TAX1BP1: variants seen among roughly 807,000 people sequenced by gnomAD.
TAX1BP1 encodes the protein tax1-binding protein 1.
A neutral mutation model predicts 97.7 loss-of-function variants in TAX1BP1; 62 were observed. That is an observed-to-expected ratio of 0.63 (90% CI 0.52 to 0.78). The LOEUF (loss-of-function observed/expected upper bound fraction) is 0.78. Ranked by LOEUF, TAX1BP1 falls within the 30% of genes least tolerant of loss-of-function variation. TAX1BP1 has a pLI of 0.00. For synonymous variants in TAX1BP1, 340 were observed against 304.2 expected, an observed-to-expected ratio of 1.12 and a Z score of -1.23; for missense variants, 867 against 916.1, an observed-to-expected ratio of 0.95 and a Z score of 0.69.
rs1554326085 is a variant in TAX1BP1, at chr7:27,828,863, G to GC, written c.*34_*35insC. 1 of 709,476 alleles carries GC rather than the reference G, an allele frequency of 1.4e-6. No individual in the cohort carries two copies. The highest frequency in any genetic ancestry group is 2.1e-6 in the Non-Finnish European group (1 of 481,196). 43.9% of individuals were successfully genotyped at this position (709,476 alleles called of 1,614,324 possible). A position where few individuals can be genotyped will look rare whatever the true frequency, so the allele number is the denominator to read the frequency against. On this transcript the variant is annotated 3_prime_UTR_variant, in exon 17 of 17. Transcript: ENST00000396319. ...TATTATGAGTTAATATAGTTTAGCA[G>GC]TAAAAAAAAAAAAAAAAACCACACC...
chr7:27,739,609 T>A (rs1288505006), upstream of TAX1BP1: 1 of 151,958 alleles, frequency 6.6e-6, no homozygotes. Context: ...GCAAATAGAA[T>A]CAGAGGGCAT....
Position 27,792,220 on chromosome 7 carries a change from A to G in TAX1BP1, c.1253A>G (p.Lys418Arg), listed in dbSNP as rs942312109. The change falls in exon 9 of 17, where the codon AAA becomes AGA. Residue 418 changes from lysine to arginine, a missense_variant. By Grantham distance (26) the Lys-to-Arg change is conservative. Coordinates refer to ENST00000396319, the MANE Select transcript of TAX1BP1 (RefSeq NM_006024.7). ...AVAELKLNAM[K>R]KDQDKTDTLE... is the part of the protein sequence containing the mutation. ...GCAGAACTTAAACTAAATGCTATGA[A>G]AAAAGATCAGGTAAAACAAGTTAAT... The G allele has an allele frequency of 6.2e-6, 10 of 1,608,192 alleles. No individual in the cohort carries two copies. The highest frequency in any genetic ancestry group is 8.5e-6 in the Non-Finnish European group (10 of 1,176,834).
At chr7:27,785,536 T>A in intron 7 of TAX1BP1, 47 bp downstream of exon 7, 1 of 1,518,070 alleles carries the variant, frequency 6.6e-7, no homozygotes, top group Non-Finnish European at 9.0e-7. Context: ...TCAAAAGAAA[T>A]GACCCCAGAA....
chr7:27,797,287 G>A (rs1444482118), intron 12 of TAX1BP1, among the ~76,000 whole-genome samples: 6 of 152,024 alleles, frequency 3.9e-5, no homozygotes, highest in Non-Finnish European at 5.9e-5. Flanking sequence ...ATGAGCCACC[G>A]CGCCCGGCCT....
intron 5 of TAX1BP1, among the ~76,000 whole-genome samples, chr7:27,775,994 CGTCT>C (rs545447598): frequency 6.7e-6 from 1 of 149,184 alleles, no homozygotes; most frequent in Admixed American, 6.7e-5. Context: ...TCTGTCTGTT[CGTCT>C]GTCTGTCTTT....
intron 5 of TAX1BP1, among the ~76,000 whole-genome samples, chr7:27,781,571 C>T (rs1270951188): frequency 6.6e-6 from 1 of 151,952 alleles, no homozygotes; most frequent in African/African-American, 2.4e-5. Context: ...GGGCATTTAC[C>T]ACAAATGGAG....
At chr7:27,806,941 T>A (rs1001417876) in intron 13 of TAX1BP1, among the ~76,000 whole-genome samples, 2 of 152,192 alleles carry the variant, frequency 1.3e-5, no homozygotes, top group Non-Finnish European at 1.5e-5. Context: ...GAATTTTAAA[T>A]AATTTTCTTC....
intron 13 of TAX1BP1, among the ~76,000 whole-genome samples, chr7:27,805,091 T>A (rs1268502537): frequency 6.6e-6 from 1 of 152,238 alleles, no homozygotes; most frequent in African/African-American, 2.4e-5. Flanking sequence ...TGTTAGAGAT[T>A]GCCAGATGCC....
chr7:27,814,064 G>A (rs928419486), intron 13 of TAX1BP1, among the ~76,000 whole-genome samples: 8 of 144,130 alleles, frequency 5.6e-5, no homozygotes, highest in African/African-American at 2.1e-4. Context: ...CCAAAGTGCT[G>A]GGATTACAGG....
chr7:27,791,406 A>C (rs1048837890), intron 8 of TAX1BP1, among the ~76,000 whole-genome samples: 9 of 152,298 alleles, frequency 5.9e-5, no homozygotes, highest in Non-Finnish European at 1.2e-4. Flanking sequence ...TAGCTTTTTA[A>C]AGATACTTTT....
intron 3 of TAX1BP1, among the ~76,000 whole-genome samples, chr7:27,760,232 A>C (rs1788372763): frequency 6.6e-6 from 1 of 152,168 alleles, no homozygotes; most frequent in African/African-American, 2.4e-5. Flanking sequence ...TTAAAAATTA[A>C]ATTTGTTTTA....
chr7:27,763,632 A>G (rs1788510956), intron 3 of TAX1BP1, among the ~76,000 whole-genome samples: 2 of 152,092 alleles, frequency 1.3e-5, no homozygotes, highest in South Asian at 4.1e-4. Context: ...GCTGGGCGTG[A>G]TGGCGTGTGC....
chr7:27,784,851 T>TG (rs1335513597), intron 5 of TAX1BP1, among the ~76,000 whole-genome samples: 4 of 150,876 alleles, frequency 2.7e-5, no homozygotes, highest in Middle Eastern at 6.8e-3. Context: ...GGCGTGGTGG[T>TG]GGGTGCCTGT....
In TAX1BP1 at chr7:27,827,812, T is replaced by G; in HGVS notation, c.2160T>G (p.Phe720Leu). ...GTGGGCATGGGACAGGCTTTTGCTT[T>G]GATTCCAGGTAGTTTTCTTCTTTAC... ...HLRGHGTGFC[F>L]DSSFDVHKKC... Residue 720 changes from phenylalanine to leucine, a missense_variant, in exon 16 of 17, where the codon TTT (phenylalanine) becomes TTG (leucine). Around this residue, in one of 3 missense-constraint regions of TAX1BP1, gnomAD observed 822 missense variants for 851.4 expected, o/e 0.97. Coordinates refer to ENST00000396319, the MANE Select transcript of TAX1BP1 (RefSeq NM_006024.7). 5 of 1,613,750 alleles carry G rather than the reference T, an allele frequency of 3.1e-6. No individual in the cohort carries two copies. Among genetic ancestry groups the G allele is most frequent in the Non-Finnish European group, 4.2e-6 (5 of 1,179,812 alleles).
intron 2 of TAX1BP1, among the ~76,000 whole-genome samples, chr7:27,755,663 T>C (rs1033210505): frequency 6.6e-6 from 1 of 152,234 alleles, no homozygotes; most frequent in Non-Finnish European, 1.5e-5. Flanking sequence ...CATTTTCTCA[T>C]TTATTTTGCT....
chr7:27,781,045 A>T (rs957744377), intron 5 of TAX1BP1, among the ~76,000 whole-genome samples: 2 of 152,168 alleles, frequency 1.3e-5, no homozygotes, highest in African/African-American at 4.8e-5. Flanking sequence ...TGTTAAAAAA[A>T]AATCACTAGT....
chr7:27,740,606 G>A (rs1787540552), intron 1 of TAX1BP1, among the ~76,000 whole-genome samples: 1 of 152,156 alleles, frequency 6.6e-6, no homozygotes, highest in Non-Finnish European at 1.5e-5. Context: ...GAGTGACGCT[G>A]GCGACCCCCG....
At chr7:27,749,804 A>T (rs1260581183) in intron 2 of TAX1BP1, among the ~76,000 whole-genome samples, 2 of 152,156 alleles carry the variant, frequency 1.3e-5, no homozygotes, top group South Asian at 2.1e-4. Flanking sequence ...TTTATTTCTT[A>T]TTTTTTGAGA....
intron 15 of TAX1BP1, among the ~76,000 whole-genome samples, chr7:27,817,239 G>A (rs1363935689): frequency 1.3e-5 from 2 of 152,126 alleles, no homozygotes; most frequent in Non-Finnish European, 2.9e-5. Flanking sequence ...AAATCTACCA[G>A]TATGCTTCAG....
Sources: allele counts gnomAD v4.1 joint callset (sites outside exome capture counted in the v4.1 genomes callset), GRCh38; gene constraint gnomAD v4.1.1; regional missense constraint gnomAD v4.1.1; transcripts MANE v1.5; gene names NCBI Gene and HGNC (gene_info 2026-07-23, HGNC 2026-07-21).